ARPC5: variants seen among roughly 807,000 people sequenced by gnomAD.
ARPC5 encodes actin-related protein 2/3 complex subunit 5.
A neutral mutation model predicts 15.4 loss-of-function variants in ARPC5; 5 were observed. That is an observed-to-expected ratio of 0.32 (90% CI 0.17 to 0.68). The LOEUF is 0.68. Among genes scored for constraint, ARPC5 ranks in the 30% least tolerant of loss-of-function variants. ARPC5 has a pLI of 0.71. For missense variants in ARPC5, 138 were observed against 192.8 expected (o/e 0.72, Z 1.68); for synonymous variants, 85 against 72.2 (o/e 1.18, Z -0.90).
intron 1 of ARPC5, 124 bp downstream of exon 1, chr1:183,635,393 T>C: frequency 8.4e-7 from 1 of 1,193,818 alleles, no homozygotes; most frequent in Non-Finnish European, 1.1e-6. Flanking sequence ...AAGAGACAGG[T>C]TAAGCCGCAG....
At chr1:183,635,224 T>G (rs1348526401) in intron 1 of ARPC5, among the ~76,000 whole-genome samples, 1 of 152,114 alleles carries the variant, frequency 6.6e-6, no homozygotes. Context: ...CGGGACCAGT[T>G]CCCGAGGCAG....
In ARPC5 at chr1:183,621,810, G is replaced by C. The variant is rs922562628; in HGVS notation, c.*5722C>G. On this transcript the variant is annotated 3_prime_UTR_variant, in exon 4 of 4. Transcript: ENST00000359856. Reference sequence around the variant, plus strand: ...CAGAGGTCACTTTCATTGCCATCTTGGATTTGGTGGGTTTTGGCCAGCTTC... The same window carrying C: ...CAGAGGTCACTTTCATTGCCATCTTCGATTTGGTGGGTTTTGGCCAGCTTC... 6.6e-6 allele frequency: 1 copy of C among 152,212 alleles called. No individual in the cohort carries two copies. Among genetic ancestry groups the C allele is most frequent in the Non-Finnish European group, 1.5e-5 (1 of 68,060 alleles). 9.4% of individuals were successfully genotyped at this position (152,212 alleles called of 1,614,324 possible).
At chr1:183,628,094 A>G (rs1438057689) in intron 3 of ARPC5, among the ~76,000 whole-genome samples, 1 of 145,634 alleles carries the variant, frequency 6.9e-6, no homozygotes, top group Non-Finnish European at 1.5e-5. Flanking sequence ...AATGGTGTGA[A>G]CCCAGGAGGC....
intron 2 of ARPC5, chr1:183,631,479 C>A (rs2101956741): frequency 6.7e-6 from 1 of 148,930 alleles, no homozygotes; most frequent in Middle Eastern, 3.5e-3. Context: ...ACTCGGGAGG[C>A]TGAAGCAGGA....
chr1:183,635,492 G>T, intron 1 of ARPC5, 25 bp downstream of exon 1: 1 of 1,593,936 alleles, frequency 6.3e-7, no homozygotes. Context: ...GGCTGGGGTG[G>T]GGAGGGCGGT....
Position 183,635,639 on chromosome 1 carries a change from C to G in ARPC5, c.21G>C (p.Ser7=). 1 of 1,613,112 alleles carries G rather than the reference C, an allele frequency of 6.2e-7. No homozygotes were observed. Residue 7 remains serine (S), a synonymous_variant, in exon 1 of 4, where the codon TCG becomes TCC. Coordinates refer to ENST00000359856, the MANE Select transcript of ARPC5 (RefSeq NM_005717.4). MSKNTV[S]SARFRKVDVD... ...CGTCCACCTTCCGGAAGCGGGCCGA[C>G]GACACTGTGTTCTTCGACATCCCAA...
At chr1:183,632,936 A>C (rs1439558380) in intron 2 of ARPC5, 146 bp downstream of exon 2, 3 of 614,054 alleles carry the variant, frequency 4.9e-6, no homozygotes, top group South Asian at 4.2e-5. Context: ...TTTCACGTGA[A>C]ATTTTTACCT....
chr1:183,633,341 A>G (rs1649323278), intron 1 of ARPC5, 187 bp from the exon 2 acceptor site: 1 of 452,156 alleles, frequency 2.2e-6, no homozygotes. Flanking sequence ...AAAATAGAAC[A>G]TTAGACTTTT....
intron 3 of ARPC5, 54 bp from the exon 4 acceptor site, chr1:183,627,648 A>C: frequency 9.6e-5 from 136 of 1,419,742 alleles, no homozygotes; most frequent in Non-Finnish European, 1.3e-4. Context: ...GTCAATTCTC[A>C]TATTTGGTAA....
intron 2 of ARPC5, 21 bp from the exon 3 acceptor site, chr1:183,630,658 A>C: frequency 6.2e-7 from 1 of 1,603,658 alleles, no homozygotes. Flanking sequence ...AATAAATAAC[A>C]GAACATTTAG....
In ARPC5 at chr1:183,623,426, T is replaced by G; in HGVS notation, c.*4106A>C. 6.4e-7 allele frequency: 1 copy of G among 1,550,502 alleles called. No homozygotes were observed. The highest frequency in any genetic ancestry group is 8.7e-7 in the Non-Finnish European group (1 of 1,146,954). On this transcript the variant is annotated 3_prime_UTR_variant, in exon 4 of 4. Transcript: ENST00000359856. ...AGGCAGATGACATGCTGTACCTCTG[T>G]GGGCTTCCCGGGCCTCCTCCATATC...
chr1:183,634,119 AAAT>A (rs1649347696), intron 1 of ARPC5, among the ~76,000 whole-genome samples: 3 of 152,342 alleles, frequency 2.0e-5, no homozygotes, highest in African/African-American at 4.8e-5. Context: ...TATCCATCAC[AAAT>A]AATGTTTTTA....
At position 183,635,760 on chromosome 1, in the gene ARPC5, T is replaced by G; in HGVS notation, c.-101A>C. 3.4e-6 allele frequency: 5 copies of G among 1,487,704 alleles called. No homozygotes were observed. Among genetic ancestry groups the G allele is most frequent in the African/African-American group, 1.4e-5 (1 of 71,446 alleles). 92.2% of individuals were successfully genotyped at this position (1,487,704 alleles called of 1,614,324 possible). ...ACCCGGCGCCTGATTCACTTCCCTC[T>G]TCCGCTCTGAGGCGTCGCCGACTGC... is the stretch of plus-strand genomic sequence containing the variant. On this transcript the variant is annotated 5_prime_UTR_variant, in exon 1 of 4. Transcript: ENST00000359856.
rs1392940001 is a variant in ARPC5 at position 183,625,595 on chromosome 1, T to A, written c.*1937A>T. Reference sequence around the variant, plus strand: ...AGTGGCATGTGCCTGTAGTTCCACCTTTTCGGGAGGCTGAGGCAGGACTGC... The same window carrying A: ...AGTGGCATGTGCCTGTAGTTCCACCATTTCGGGAGGCTGAGGCAGGACTGC... On this transcript the variant is annotated 3_prime_UTR_variant, in exon 4 of 4. Transcript: ENST00000359856. The A allele has an allele frequency of 6.6e-6, 1 of 152,248 alleles. No homozygotes were observed. Among genetic ancestry groups the A allele is most frequent in the Non-Finnish European group, 1.5e-5 (1 of 68,084 alleles). The allele number at this position is 152,248 out of a possible 1,614,324, so 9.4% of individuals were successfully genotyped here.
rs370518526 is a variant in ARPC5 at position 183,627,526 on chromosome 1, G to C, written c.*6C>G. The C allele has an allele frequency of 1.9e-6, 3 of 1,613,334 alleles. No individual in the cohort carries two copies. In the African/African-American group the frequency reaches 4.0e-5, roughly 22 times the overall value. On this transcript the variant is annotated 3_prime_UTR_variant, in exon 4 of 4. Coordinates refer to ENST00000359856, the MANE Select transcript of ARPC5 (RefSeq NM_005717.4). ...TCCCGAGGCAGATAATCCACTTCCT[G>C]CCAGACTACACAGTTTTTCTTGCAG... is the stretch of plus-strand genomic sequence containing the variant.
At chr1:183,630,315 A>G in intron 3 of ARPC5, 146 bp downstream of exon 3, 2 of 604,056 alleles carry the variant, frequency 3.3e-6, no homozygotes, top group Admixed American at 7.3e-5. Context: ...TAGTAAACAT[A>G]AATATGAACT....
Position 183,627,226 on chromosome 1 carries a change from C to A in ARPC5, c.*306G>T. ...CAAAACAGAACAAAAAACCAGCCAA[C>A]AGGGGTTAAAAGTTGCACAATTAAA... On this transcript the variant is annotated 3_prime_UTR_variant, in exon 4 of 4. Coordinates refer to ENST00000359856, the MANE Select transcript of ARPC5 (RefSeq NM_005717.4). 4.1e-6 allele frequency: 1 copy of A among 245,634 alleles called. No homozygotes were observed. The highest frequency in any genetic ancestry group is 7.9e-6 in the Non-Finnish European group (1 of 126,546). 15.2% of individuals were successfully genotyped at this position (245,634 alleles called of 1,614,324 possible).
chr1:183,629,300 A>G (rs77855373), intron 3 of ARPC5, among the ~76,000 whole-genome samples: 12,029 of 152,254 alleles, frequency 0.079, 921 homozygotes, highest in African/African-American at 0.2. Flanking sequence ...TTTTAAAGCT[A>G]GCTTTTCATC....
rs772621265 is a variant in ARPC5, at chr1:183,622,555, T to C, written c.*4977A>G. On this transcript the variant is annotated 3_prime_UTR_variant, in exon 4 of 4. Coordinates refer to ENST00000359856, the MANE Select transcript of ARPC5 (RefSeq NM_005717.4). ...CGGTGATATAAATTCATGGATATAA[T>C]TTAATGGTTATCTTTAAGGAAAACA... 6.6e-6 allele frequency: 1 copy of C among 152,236 alleles called. No individual in the cohort carries two copies. Among genetic ancestry groups the C allele is most frequent in the African/African-American group, 2.4e-5 (1 of 41,462 alleles). 9.4% of individuals were successfully genotyped at this position (152,236 alleles called of 1,614,324 possible).
Sources: gnomAD v4.1 joint callset for allele counts (sites outside exome capture counted in the v4.1 genomes callset) on GRCh38, gnomAD v4.1.1 for gene constraint, MANE v1.5 for transcripts, NCBI Gene and HGNC (gene_info 2026-07-23, HGNC 2026-07-21) for gene names.